Variants in THRB observed in about 807,000 individuals in gnomAD.
THRB encodes nuclear receptor subfamily 1 group A member 2.
THRB carries 12 observed loss-of-function variants against 47.8 expected under a neutral mutation model. The ratio of observed to expected loss-of-function variants is 0.25; its 90% CI spans 0.16 to 0.41. THRB has a LOEUF of 0.41. Among genes scored for constraint, THRB ranks in the 10% least tolerant of loss-of-function variants. THRB has a pLI of 1.00. For synonymous variants in THRB, 218 were observed against 212.2 expected (o/e 1.03, Z -0.24); for missense variants, 348 against 589.2 (o/e 0.59, Z 4.24).
chr3:24,318,546 A>G (rs2058276288), intron 2 of THRB: 1 of 152,260 alleles, frequency 6.6e-6, no homozygotes, highest in Non-Finnish European at 1.5e-5. Flanking sequence ...CATGACAATT[A>G]GTATGTTCAC....
chr3:24,227,389 G>A lies in THRB; in HGVS notation c.22+1549C>T, dbSNP rs756906552. Among the ~76,000 whole-genome samples the A allele has an allele frequency of 3.3e-5, 5 of 152,312 alleles. No individual in the cohort carries two copies. In the East Asian group the frequency reaches 5.8e-4, roughly 18 times the overall value. On this transcript the variant is annotated intron_variant, in intron 4 of 10. Coordinates refer to ENST00000646209, the MANE Select transcript of THRB (RefSeq NM_001354712.2). ...AAGGTTGAATGTGTTGGTTTATGACGTAGAAGGAGTGCGATTTTAGTGGCG... is the reference window on the plus strand; with the variant it reads ...AAGGTTGAATGTGTTGGTTTATGACATAGAAGGAGTGCGATTTTAGTGGCG...
rs1463850054 is a variant in THRB at position 24,151,351 on chromosome 3, G to T, written c.384+1039C>A. ...GTTGATTTGGGGGCTTTACGAGCAA[G>T]GGTATGAACAAAGCGGGGCAGTTGG... On this transcript the variant is annotated intron_variant, in intron 6 of 10. Transcript: ENST00000646209. Among the ~76,000 whole-genome samples the T allele has an allele frequency of 3.3e-5, 5 of 152,190 alleles. No individual in the cohort carries two copies. In the East Asian group the frequency reaches 5.8e-4, roughly 18 times the overall value.
At chr3:24,298,563 C>T (rs927990292) in intron 2 of THRB, among the ~76,000 whole-genome samples, 2 of 152,162 alleles carry the variant, frequency 1.3e-5, no homozygotes, top group African/African-American at 2.4e-5. Context: ...GAAGAAATAC[C>T]GTCTCTGATT....
chr3:24,213,926 G>A (rs891454555), intron 4 of THRB, among the ~76,000 whole-genome samples: 1 of 152,190 alleles, frequency 6.6e-6, no homozygotes, highest in Non-Finnish European at 1.5e-5. Context: ...CATTTGGCCT[G>A]CAGATATGGT....
intron 1 of THRB, among the ~76,000 whole-genome samples, chr3:24,421,199 G>A (rs368360226): frequency 6.6e-6 from 1 of 151,822 alleles, no homozygotes; most frequent in Admixed American, 6.6e-5. Flanking sequence ...CCTATTGGAG[G>A]GTGTAGGGTG....
chr3:24,432,591 T>G (rs2070547754), intron 1 of THRB, among the ~76,000 whole-genome samples: 1 of 152,242 alleles, frequency 6.6e-6, no homozygotes, highest in Admixed American at 6.5e-5. Context: ...ACTGGGGTGT[T>G]GAAAATCCAC....
rs1320724561 is a variant in THRB at position 24,122,755 on chromosome 3, A to G, written c.*129T>C. 1.5e-6 allele frequency: 2 copies of G among 1,332,546 alleles called. No individual in the cohort carries two copies. The highest frequency in any genetic ancestry group is 2.1e-6 in the Non-Finnish European group (2 of 934,868). The allele number at this position is 1,332,546 out of a possible 1,614,324, so 82.5% of individuals were successfully genotyped here. On this transcript the variant is annotated 3_prime_UTR_variant, in exon 11 of 11. Transcript: ENST00000646209. ...GGCAATTTCATCCATGTCTATGCCAAGGACTACTTCCCTTTTCCCTCCCAA... is the reference window on the plus strand; with the variant it reads ...GGCAATTTCATCCATGTCTATGCCAGGGACTACTTCCCTTTTCCCTCCCAA...
intron 4 of THRB, among the ~76,000 whole-genome samples, chr3:24,224,077 T>C (rs901408173): frequency 1.3e-5 from 2 of 152,206 alleles, no homozygotes; most frequent in African/African-American, 4.8e-5. Flanking sequence ...GATGTCTCAA[T>C]TGGTCCAATA....
At chr3:24,437,337 A>G (rs1360099179) in intron 1 of THRB, among the ~76,000 whole-genome samples, 3 of 152,048 alleles carry the variant, frequency 2.0e-5, no homozygotes, top group Non-Finnish European at 4.4e-5. Flanking sequence ...ACAAAAGTGT[A>G]TCTCATGGAG....
chr3:24,473,238 A>T (rs532110079), intron 1 of THRB, among the ~76,000 whole-genome samples: 1 of 152,234 alleles, frequency 6.6e-6, no homozygotes, highest in Non-Finnish European at 1.5e-5. Flanking sequence ...CCATTTTGGC[A>T]TATCAATTTT....
chr3:24,413,341 C>A (rs555398597), intron 1 of THRB, among the ~76,000 whole-genome samples: 7 of 151,590 alleles, frequency 4.6e-5, no homozygotes, highest in African/African-American at 1.7e-4. Flanking sequence ...GAAGGGTGGT[C>A]TCCCCAAAAA....
chr3:24,399,597 G>C (rs897713679), intron 1 of THRB, among the ~76,000 whole-genome samples: 8 of 152,044 alleles, frequency 5.3e-5, no homozygotes, highest in African/African-American at 1.9e-4. Context: ...AACAAATAAG[G>C]AAGGCACGGG....
chr3:24,482,062 G>T (rs757814951), intron 1 of THRB, among the ~76,000 whole-genome samples: 3 of 152,114 alleles, frequency 2.0e-5, no homozygotes, highest in Admixed American at 6.5e-5. Context: ...ACTAACTAAA[G>T]AATAACTTAT....
rs138903779 is a variant in THRB, at chr3:24,287,490, T to G, written c.-43+9736A>C. Among the ~76,000 whole-genome samples, 253 of 152,280 alleles carry G rather than the reference T, an allele frequency of 1.7e-3. 1 individual carries two copies. The highest frequency in any genetic ancestry group is 0.014 in the Middle Eastern group (4 of 294). ...AAAATCAGTTCTAGTGAAGCATAAC[T>G]TGTATGAGGCCACTGTCCTTTAGTT... On this transcript the variant is annotated intron_variant, in intron 3 of 10. Coordinates refer to ENST00000646209, the MANE Select transcript of THRB (RefSeq NM_001354712.2).
At chr3:24,343,062 G>T (rs944002392) in intron 1 of THRB, among the ~76,000 whole-genome samples, 15 of 152,144 alleles carry the variant, frequency 9.9e-5, no homozygotes, top group African/African-American at 3.6e-4. Flanking sequence ...CTGAGCAAAG[G>T]ATAATATAAT....
intron 1 of THRB, among the ~76,000 whole-genome samples, chr3:24,410,829 C>CA (rs1185699027): frequency 6.6e-6 from 1 of 151,758 alleles, no homozygotes; most frequent in Non-Finnish European, 1.5e-5. Flanking sequence ...AAATTTTTAA[C>CA]AAAAAAGTCT....
chr3:24,312,123 T>C (rs1433882089), intron 2 of THRB, among the ~76,000 whole-genome samples: 1 of 152,216 alleles, frequency 6.6e-6, no homozygotes, highest in African/African-American at 2.4e-5. Context: ...TCTGCCCTAC[T>C]TCCCACTATT....
intron 2 of THRB, among the ~76,000 whole-genome samples, chr3:24,331,985 A>G (rs1055132848): frequency 1.3e-4 from 20 of 152,088 alleles, no homozygotes; most frequent in Admixed American, 6.5e-5. Flanking sequence ...CCTAATTGTG[A>G]CCAAGTCTGC....
intron 4 of THRB, among the ~76,000 whole-genome samples, chr3:24,203,468 T>C (rs72619925): frequency 0.11 from 16,388 of 152,196 alleles, 1,060 homozygotes; most frequent in Admixed American, 0.17. Flanking sequence ...ATTTCACCCA[T>C]GGAGCAATAG....
Sources: allele counts gnomAD v4.1 joint callset (sites outside exome capture counted in the v4.1 genomes callset), GRCh38; gene constraint gnomAD v4.1.1; transcripts MANE v1.5; gene names NCBI Gene and HGNC (gene_info 2026-07-23, HGNC 2026-07-21).